CSMD1: variants seen among roughly 807,000 people sequenced by gnomAD.
CSMD1 encodes the protein CUB and Sushi multiple domains 1.
Under a neutral mutation model 417.5 loss-of-function variants are expected in CSMD1, and 213 were observed. The observed-to-expected ratio is 0.51, with a 90% confidence interval of 0.46 to 0.57. The LOEUF (loss-of-function observed/expected upper bound fraction) is 0.57. Ranked by LOEUF, CSMD1 falls within the 20% of genes least tolerant of loss-of-function variation. The pLI is 0.00. For missense variants in CSMD1, 6,923 were observed against 4,529.7 expected, an observed-to-expected ratio of 1.53 and a Z score of -15.17; for synonymous variants, 2,862 against 1,736.8, an observed-to-expected ratio of 1.65 and a Z score of -16.11.
intron 5 of CSMD1, among the ~76,000 whole-genome samples, chr8:3,905,156 T>C (rs1005395983): frequency 2.6e-5 from 4 of 152,124 alleles, no homozygotes; most frequent in African/African-American, 7.2e-5. Context: ...ATTTAAAGAA[T>C]GATTAATAAC....
chr8:3,483,829 G>C (rs1267855163), intron 11 of CSMD1, among the ~76,000 whole-genome samples: 1 of 152,054 alleles, frequency 6.6e-6, no homozygotes, highest in East Asian at 1.9e-4. Context: ...GAAAGGCTGA[G>C]TCAACTTTTA....
chr8:3,628,539 G>A (rs1292878100), intron 7 of CSMD1, among the ~76,000 whole-genome samples: 2 of 152,218 alleles, frequency 1.3e-5, no homozygotes, highest in Non-Finnish European at 2.9e-5. Flanking sequence ...AGTGATGAAA[G>A]CCAGAGCTGG....
At chr8:3,622,637 G>A (rs1413784256) in intron 7 of CSMD1, among the ~76,000 whole-genome samples, 2 of 152,226 alleles carry the variant, frequency 1.3e-5, no homozygotes, top group African/African-American at 4.8e-5. Flanking sequence ...ATTGCAGATG[G>A]TAGAAGATAA....
At chr8:4,041,079 C>T (rs535114151) in intron 3 of CSMD1, among the ~76,000 whole-genome samples, 65 of 140,894 alleles carry the variant, frequency 4.6e-4, no homozygotes, top group Admixed American at 4.4e-3. Context: ...TGCAGTGGCG[C>T]GATCTCGGCT....
At chr8:4,425,002 A>G (rs934578988) in intron 2 of CSMD1, among the ~76,000 whole-genome samples, 1 of 152,158 alleles carries the variant, frequency 6.6e-6, no homozygotes, top group Admixed American at 6.6e-5. Context: ...ATGCTATTTA[A>G]TAACAAAACA....
intron 6 of CSMD1, among the ~76,000 whole-genome samples, chr8:3,741,979 G>GT (rs60936991): frequency 0.36 from 53,280 of 146,060 alleles, 10,169 homozygotes; most frequent in South Asian, 0.51. Flanking sequence ...AAGAATCTTG[G>GT]TTTTTTTTTT....
At chr8:3,483,317 T>G (rs1354967660) in intron 11 of CSMD1, among the ~76,000 whole-genome samples, 1 of 152,058 alleles carries the variant, frequency 6.6e-6, no homozygotes, top group East Asian at 1.9e-4. Context: ...TACAGATTCA[T>G]CAGCCATCAC....
chr8:3,398,991 C>T (rs917265634), intron 16 of CSMD1, among the ~76,000 whole-genome samples: 1 of 152,176 alleles, frequency 6.6e-6, no homozygotes, highest in Admixed American at 6.5e-5. Context: ...GAGTGACCAG[C>T]AGCCACCACC....
chr8:3,356,402 C>A (rs1008463365), intron 21 of CSMD1, among the ~76,000 whole-genome samples: 1 of 152,200 alleles, frequency 6.6e-6, no homozygotes, highest in African/African-American at 2.4e-5. Context: ...TGAGGCCGGG[C>A]ACTGTGGCTC....
At chr8:4,639,045 C>T (rs1563358876) in intron 1 of CSMD1, among the ~76,000 whole-genome samples, 1 of 152,060 alleles carries the variant, frequency 6.6e-6, no homozygotes, top group Non-Finnish European at 1.5e-5. Flanking sequence ...CACACCTGAC[C>T]CACCTATTCT....
intron 2 of CSMD1, among the ~76,000 whole-genome samples, chr8:4,633,208 G>A (rs1207698947): frequency 6.6e-6 from 1 of 152,000 alleles, no homozygotes; most frequent in Non-Finnish European, 1.5e-5. Context: ...ATCAAAAACA[G>A]GCTGTGGTTA....
intron 3 of CSMD1, among the ~76,000 whole-genome samples, chr8:4,228,380 C>T (rs771379651): frequency 6.6e-6 from 1 of 152,118 alleles, no homozygotes; most frequent in Non-Finnish European, 1.5e-5. Flanking sequence ...TGAAACCGCT[C>T]ATGTCAAGGT....
chr8:3,540,445 G>A (rs187975700), intron 10 of CSMD1, among the ~76,000 whole-genome samples: 15 of 152,154 alleles, frequency 9.9e-5, no homozygotes, highest in African/African-American at 3.6e-4. Context: ...TAAAATCAAG[G>A]CAATACTATT....
intron 6 of CSMD1, among the ~76,000 whole-genome samples, chr8:3,720,850 TG>T (rs1802122891): frequency 6.6e-6 from 1 of 152,072 alleles, no homozygotes; most frequent in Non-Finnish European, 1.5e-5. Flanking sequence ...CTCGCTCTGT[TG>T]CCCAGGTTGA....
chr8:3,981,516 A>AGG (rs1813866273), intron 5 of CSMD1, among the ~76,000 whole-genome samples: 2 of 150,988 alleles, frequency 1.3e-5, no homozygotes, highest in African/African-American at 4.9e-5. Context: ...AAAAAAAAAA[A>AGG]AAAAAAAAAG....
rs1554483035 is a variant in CSMD1, at chr8:3,599,151, C to CTCTG, written c.1098-12892_1098-12891insCAGA. Among the ~76,000 whole-genome samples the CTCTG allele has an allele frequency of 5.1e-3, 610 of 119,952 alleles. 8 individuals carry two copies. Among genetic ancestry groups the CTCTG allele is most frequent in the African/African-American group, 0.019 (561 of 29,276 alleles). 78.7% of individuals were successfully genotyped at this position (119,952 alleles called of 152,430 possible). On this transcript the variant is annotated intron_variant, in intron 8 of 69. Transcript: ENST00000635120. ...TGTGTGTGTGTGTGTGTGTGTGTGT[C>CTCTG]TGTGTGTGTGTCTGTGTGTGTGTGT...
chr8:4,102,708 G>A (rs1006625088), intron 3 of CSMD1, among the ~76,000 whole-genome samples: 1 of 152,112 alleles, frequency 6.6e-6, no homozygotes, highest in Non-Finnish European at 1.5e-5. Flanking sequence ...CTCCTAAAAT[G>A]TATCCAAAAG....
At chr8:3,268,314 T>C (rs867796919) in intron 26 of CSMD1, among the ~76,000 whole-genome samples, 31 of 119,918 alleles carry the variant, frequency 2.6e-4, no homozygotes, top group African/African-American at 7.6e-4. Context: ...TTTTTTTTTT[T>C]GAGACGGAGT....
chr8:4,857,464 T>C (rs1170988058), intron 1 of CSMD1, among the ~76,000 whole-genome samples: 1 of 151,796 alleles, frequency 6.6e-6, no homozygotes, highest in African/African-American at 2.4e-5. Context: ...TTCAAAAAAT[T>C]AATGAATCCA....
Sources: allele counts gnomAD v4.1 joint callset (sites outside exome capture counted in the v4.1 genomes callset), GRCh38; gene constraint gnomAD v4.1.1; transcripts MANE v1.5; gene names NCBI Gene and HGNC (gene_info 2026-07-23, HGNC 2026-07-21).